The following AKAP6 variants were observed in gnomAD, a reference collection of about 807,000 sequenced individuals.
AKAP6 encodes A-kinase anchoring protein 6.
AKAP6 carries 58 observed loss-of-function variants against 188.5 expected under a neutral mutation model. That is an observed-to-expected ratio of 0.31 (90% confidence interval 0.25 to 0.38). AKAP6 has a LOEUF of 0.38. Ranked by LOEUF, AKAP6 falls within the 10% of genes least tolerant of loss-of-function variation. The probability of loss-of-function intolerance (pLI) is 1.00; values close to 1 mark genes in which losing one functional copy is unlikely to be tolerated. For missense variants in AKAP6, 2,710 were observed against 2,740.0 expected (o/e 0.99, Z 0.24); for synonymous variants, 989 against 998.6 (o/e 0.99, Z 0.18).
At chr14:32,497,309 T>C (rs560212254) in intron 2 of AKAP6, among the ~76,000 whole-genome samples, 1 of 152,266 alleles carries the variant, frequency 6.6e-6, no homozygotes, top group South Asian at 2.1e-4. Flanking sequence ...GAGAATCTCA[T>C]GTTGTATGTT....
intron 7 of AKAP6, among the ~76,000 whole-genome samples, chr14:32,646,539 A>G (rs1452181981): frequency 6.6e-6 from 1 of 152,160 alleles, no homozygotes; most frequent in Non-Finnish European, 1.5e-5. Flanking sequence ...TTATTCCTGA[A>G]ATTCTAATGG....
chr14:32,474,169 A>C (rs1878933328), intron 2 of AKAP6: 1 of 152,164 alleles, frequency 6.6e-6, no homozygotes, highest in African/African-American at 2.4e-5. Context: ...AAGTGCTGGG[A>C]TTACAGGTGT....
At chr14:32,684,496 T>C (rs1246907032) in intron 8 of AKAP6, among the ~76,000 whole-genome samples, 1 of 152,180 alleles carries the variant, frequency 6.6e-6, no homozygotes. Context: ...AGATATAAGA[T>C]TGCATTGAGT....
At chr14:32,467,595 A>T (rs1878535109) in intron 2 of AKAP6, among the ~76,000 whole-genome samples, 1 of 152,068 alleles carries the variant, frequency 6.6e-6, no homozygotes, top group Admixed American at 6.6e-5. Context: ...TGTCAGAATC[A>T]GGAATCCAGT....
intron 3 of AKAP6, among the ~76,000 whole-genome samples, chr14:32,543,115 T>C (rs1301588099): frequency 6.6e-6 from 1 of 152,222 alleles, no homozygotes; most frequent in Non-Finnish European, 1.5e-5. Context: ...ATTACAGTCA[T>C]CTGACCCTGC....
intron 8 of AKAP6, among the ~76,000 whole-genome samples, chr14:32,683,183 G>A (rs1435325971): frequency 1.3e-5 from 2 of 151,862 alleles, no homozygotes; most frequent in African/African-American, 4.8e-5. Flanking sequence ...TAGTAGAGAC[G>A]GGGTTTCGTC....
intron 2 of AKAP6, among the ~76,000 whole-genome samples, chr14:32,507,406 A>G (rs1880934301): frequency 6.6e-6 from 1 of 152,198 alleles, no homozygotes. Flanking sequence ...AAACAGAAAC[A>G]CAGGCCTCAA....
chr14:32,533,270 G>T (rs1487702796), intron 2 of AKAP6, among the ~76,000 whole-genome samples: 1 of 152,208 alleles, frequency 6.6e-6, no homozygotes, highest in Non-Finnish European at 1.5e-5. Flanking sequence ...CAGCAATGAG[G>T]GAGGAAGATG....
intron 2 of AKAP6, among the ~76,000 whole-genome samples, chr14:32,471,593 C>T (rs1010442403): frequency 3.9e-5 from 6 of 152,210 alleles, no homozygotes; most frequent in Non-Finnish European, 7.3e-5. Flanking sequence ...TATACATTTA[C>T]TCAATTTTCA....
intron 5 of AKAP6, among the ~76,000 whole-genome samples, chr14:32,583,695 C>G (rs1885090917): frequency 6.6e-6 from 1 of 152,222 alleles, no homozygotes; most frequent in Non-Finnish European, 1.5e-5. Context: ...GCCCCTCCCC[C>G]AGCCTCGCTG....
chr14:32,436,921 G>T (rs2138719523), intron 2 of AKAP6, among the ~76,000 whole-genome samples: 1 of 152,274 alleles, frequency 6.6e-6, no homozygotes, highest in East Asian at 1.9e-4. Context: ...GTGAGACTCT[G>T]TCTCAAAAAA....
intron 13 of AKAP6, among the ~76,000 whole-genome samples, chr14:32,829,221 C>T (rs1256566665): frequency 1.3e-5 from 2 of 152,104 alleles, no homozygotes; most frequent in South Asian, 2.1e-4. Flanking sequence ...TAATTGAATC[C>T]ATCTCGTTTC....
chr14:32,702,869 C>A (rs903632199), intron 9 of AKAP6, among the ~76,000 whole-genome samples: 1 of 152,104 alleles, frequency 6.6e-6, no homozygotes, highest in Admixed American at 6.5e-5. Context: ...TTTCTCAGGG[C>A]CCTCCTTTTG....
chr14:32,346,594 C>T (rs1264475842), intron 1 of AKAP6, among the ~76,000 whole-genome samples: 3 of 152,156 alleles, frequency 2.0e-5, no homozygotes, highest in Non-Finnish European at 4.4e-5. Context: ...CTGAAAGCTC[C>T]GCCTCCCGGG....
intron 11 of AKAP6, among the ~76,000 whole-genome samples, chr14:32,766,406 A>C (rs986776621): frequency 6.6e-6 from 1 of 152,078 alleles, no homozygotes; most frequent in Admixed American, 6.5e-5. Context: ...CAGTAATTAT[A>C]TGTTTAACTT....
At chr14:32,796,814 C>A (rs543482173) in intron 12 of AKAP6, among the ~76,000 whole-genome samples, 1 of 152,078 alleles carries the variant, frequency 6.6e-6, no homozygotes. Flanking sequence ...CTAATTAAAC[C>A]AAGAGAGCTT....
chr14:32,598,514 T>C lies in AKAP6; in HGVS notation c.2470-896T>C, dbSNP rs1211958306. ...TCAGAGTGTTATTGTTCAATGGATA[T>C]CCACAATTCCTGCAAACATCTATTG... On this transcript the variant is annotated intron_variant, in intron 5 of 13. Transcript: ENST00000280979. Among the ~76,000 whole-genome samples the C allele has an allele frequency of 2.6e-5, 4 of 152,272 alleles. No individual in the cohort carries two copies. In the South Asian group the frequency reaches 6.2e-4, roughly 24 times the overall value.
intron 9 of AKAP6, among the ~76,000 whole-genome samples, chr14:32,731,406 T>C (rs2031169647): frequency 6.6e-6 from 1 of 152,120 alleles, no homozygotes; most frequent in Non-Finnish European, 1.5e-5. Context: ...TTGATTTATT[T>C]ATTTGCCCAG....
chr14:32,655,562 T>G (rs1445142242), intron 7 of AKAP6, among the ~76,000 whole-genome samples: 3 of 152,160 alleles, frequency 2.0e-5, no homozygotes, highest in African/African-American at 7.2e-5. Context: ...CAGTGATACA[T>G]AGTGGATGAA....
Sources: allele counts gnomAD v4.1 joint callset (sites outside exome capture counted in the v4.1 genomes callset), GRCh38; gene constraint gnomAD v4.1.1; transcripts MANE v1.5; gene names NCBI Gene and HGNC (gene_info 2026-07-23, HGNC 2026-07-21).